Variants in UNC13C observed in about 807,000 individuals in gnomAD.
UNC13C encodes the protein unc-13 homolog C, also known as protein unc-13 homolog C.
A neutral mutation model predicts 245.4 loss-of-function variants in UNC13C; 174 were observed. The observed-to-expected ratio is 0.71, with a 90% confidence interval of 0.63 to 0.80. The LOEUF is 0.80. Ranked by LOEUF, UNC13C falls within the 30% of genes least tolerant of loss-of-function variation. The pLI is 0.00. For missense variants in UNC13C, 2,829 were observed against 2,602.9 expected (o/e 1.09, Z -1.89); for synonymous variants, 992 against 895.1 (o/e 1.11, Z -1.93).
At chr15:54,123,286 T>A (rs975040562) in intron 2 of UNC13C, among the ~76,000 whole-genome samples, 2 of 151,872 alleles carry the variant, frequency 1.3e-5, no homozygotes, top group Non-Finnish European at 2.9e-5. Context: ...TAAATTGGTT[T>A]GTTATCTTGA....
intron 19 of UNC13C, among the ~76,000 whole-genome samples, chr15:54,458,377 G>T (rs140172060): frequency 6.6e-6 from 1 of 152,018 alleles, no homozygotes; most frequent in Non-Finnish European, 1.5e-5. Flanking sequence ...TGGTTAGAAC[G>T]TTCTGCAAAT....
intron 30 of UNC13C, among the ~76,000 whole-genome samples, chr15:54,609,000 A>G (rs912712485): frequency 8.5e-5 from 13 of 152,144 alleles, no homozygotes; most frequent in Non-Finnish European, 4.4e-5. Context: ...GTTACATTTT[A>G]CTATTTCAAC....
chr15:54,092,031 G>T (rs1468227682), intron 2 of UNC13C, among the ~76,000 whole-genome samples: 3 of 152,194 alleles, frequency 2.0e-5, no homozygotes, highest in Admixed American at 2.0e-4. Context: ...CTTAGACTTA[G>T]CCATTTGAAC....
At chr15:54,285,409 G>A (rs2037118260) in intron 10 of UNC13C, among the ~76,000 whole-genome samples, 1 of 152,142 alleles carries the variant, frequency 6.6e-6, no homozygotes, top group South Asian at 2.1e-4. Flanking sequence ...GGATCTTCAT[G>A]CAATAACAAG....
chr15:53,961,041 G>A, the UNC13C span, among the ~76,000 whole-genome samples: 2 of 152,158 alleles, frequency 1.3e-5, no homozygotes, highest in South Asian at 4.1e-4. Flanking sequence ...ATGGATAGAG[G>A]GGCAAAATTC....
intron 2 of UNC13C, among the ~76,000 whole-genome samples, chr15:54,033,147 T>G (rs1444345728): frequency 6.6e-6 from 1 of 152,064 alleles, no homozygotes; most frequent in African/African-American, 2.4e-5. Context: ...TAAAAAAAAT[T>G]TAAGATGTTC....
Position 54,265,362 on chromosome 15 carries a change from T to C in UNC13C, c.3684T>C (p.Ser1228=). Residue 1228 remains serine, a synonymous_variant, in exon 10 of 33, where the codon TCT becomes TCC. Transcript: ENST00000260323. Reference sequence around the variant, plus strand: ...TATTTTGGTTTATTTCAGTGGTTTCTGCACAGGGTCTACAGGCAAAAGATA... The same window carrying C: ...TATTTTGGTTTATTTCAGTGGTTTCCGCACAGGGTCTACAGGCAAAAGATA... ...WSAKITITVV[S]AQGLQAKDKT... 6.5e-7 allele frequency: 1 copy of C among 1,549,460 alleles called. No individual in the cohort carries two copies. The highest frequency in any genetic ancestry group is 8.7e-7 in the Non-Finnish European group (1 of 1,146,440).
At chr15:54,391,272 A>G (rs2039951173) in intron 17 of UNC13C, among the ~76,000 whole-genome samples, 1 of 151,988 alleles carries the variant, frequency 6.6e-6, no homozygotes, top group Non-Finnish European at 1.5e-5. Flanking sequence ...ATATCTCCCC[A>G]CTGTGGCTAT....
At chr15:54,008,843 T>C (rs908917904) in intron 1 of UNC13C, among the ~76,000 whole-genome samples, 1 of 152,238 alleles carries the variant, frequency 6.6e-6, no homozygotes, top group Non-Finnish European at 1.5e-5. Context: ...AACTACCTTT[T>C]TGCTTTGTTT....
At chr15:53,958,599 G>A in the UNC13C span, among the ~76,000 whole-genome samples, 3 of 152,092 alleles carry the variant, frequency 2.0e-5, no homozygotes, top group African/African-American at 7.2e-5. Context: ...TAAGGCTCAG[G>A]CTGTCTGATC....
chr15:54,588,788 C>T (rs973664346), intron 30 of UNC13C, among the ~76,000 whole-genome samples: 4 of 152,176 alleles, frequency 2.6e-5, no homozygotes, highest in African/African-American at 9.7e-5. Context: ...TCACCAATCT[C>T]ATCTAGGTCA....
At chr15:54,038,010 A>G (rs1896643337) in intron 2 of UNC13C, among the ~76,000 whole-genome samples, 2 of 147,354 alleles carry the variant, frequency 1.4e-5, no homozygotes, top group Admixed American at 6.9e-5. Context: ...TAAAATTAAT[A>G]TTTAATTTAT....
chr15:54,373,641 C>A (rs2039542490), intron 17 of UNC13C, among the ~76,000 whole-genome samples: 1 of 152,192 alleles, frequency 6.6e-6, no homozygotes, highest in Non-Finnish European at 1.5e-5. Context: ...CATAGAGTCC[C>A]AAAGAAGGTG....
At chr15:54,132,862 G>A (rs899047765) in intron 2 of UNC13C, among the ~76,000 whole-genome samples, 2 of 152,114 alleles carry the variant, frequency 1.3e-5, no homozygotes. Context: ...AGATGTTTAA[G>A]GGAATTCCTA....
chr15:54,166,263 A>T (rs1341180720), intron 4 of UNC13C, among the ~76,000 whole-genome samples: 1 of 152,096 alleles, frequency 6.6e-6, no homozygotes, highest in Non-Finnish European at 1.5e-5. Flanking sequence ...CAGTCTTCTT[A>T]GAGCAAACAT....
At chr15:53,861,452 G>C in the UNC13C span, among the ~76,000 whole-genome samples, 2 of 120,556 alleles carry the variant, frequency 1.7e-5, no homozygotes, top group Non-Finnish European at 3.8e-5. Context: ...TTTTTTATAA[G>C]TTCATTGGAT....
intron 4 of UNC13C, among the ~76,000 whole-genome samples, chr15:54,190,350 C>T (rs2034141744): frequency 6.6e-6 from 1 of 152,060 alleles, no homozygotes; most frequent in African/African-American, 2.4e-5. Context: ...GACTACATAG[C>T]AATAAGCAAA....
intron 12 of UNC13C, among the ~76,000 whole-genome samples, chr15:54,298,934 A>G (rs955190241): frequency 6.6e-6 from 1 of 152,198 alleles, no homozygotes; most frequent in Non-Finnish European, 1.5e-5. Flanking sequence ...GTAAATATTT[A>G]TACCCCATTT....
the UNC13C span, among the ~76,000 whole-genome samples, chr15:53,958,218 C>A: frequency 6.6e-6 from 1 of 152,118 alleles, no homozygotes. Context: ...GGGCAAATTT[C>A]TAAAATCAGA....
Sources: allele counts gnomAD v4.1 joint callset (sites outside exome capture counted in the v4.1 genomes callset), GRCh38; gene constraint gnomAD v4.1.1; transcripts MANE v1.5; gene names NCBI Gene and HGNC (gene_info 2026-07-23, HGNC 2026-07-21).